The following PRG4 variants were observed in gnomAD, a reference collection of about 807,000 sequenced individuals.
PRG4 encodes the protein proteoglycan 4, also known as articular superficial zone protein.
PRG4 carries 61 observed loss-of-function variants against 91.2 expected under a neutral mutation model. The ratio of observed to expected loss-of-function variants is 0.67; its 90% CI spans 0.54 to 0.83. The LOEUF is 0.83. Among genes scored for constraint, PRG4 ranks in the 40% least tolerant of loss-of-function variants. The pLI is 0.00. For missense variants in PRG4, 1,564 were observed against 1,714.2 expected, an observed-to-expected ratio of 0.91 and a Z score of 1.55; for synonymous variants, 576 against 614.2, an observed-to-expected ratio of 0.94 and a Z score of 0.92.
intron 3 of PRG4, among the ~76,000 whole-genome samples, chr1:186,301,014 A>G (rs1656180639): frequency 6.6e-6 from 1 of 152,160 alleles, no homozygotes; most frequent in Non-Finnish European, 1.5e-5. Flanking sequence ...TCATTTTTTA[A>G]ATGAGTAGTC....
intron 8 of PRG4, 80 bp from the exon 9 acceptor site, chr1:186,310,954 T>G: frequency 6.6e-7 from 1 of 1,520,136 alleles, no homozygotes; most frequent in Non-Finnish European, 9.1e-7. Context: ...ATAAGAAAAC[T>G]ACATTTTTTT....
chr1:186,310,971 T>A (rs1230262209), intron 8 of PRG4, 63 bp from the exon 9 acceptor site: 5 of 1,577,494 alleles, frequency 3.2e-6, no homozygotes. Context: ...TTTTTCATTT[T>A]GGTTTCTTTT....
At position 186,306,412 on chromosome 1, in the gene PRG4, C is replaced by T; in HGVS notation, c.693C>T (p.Phe231=). 1 of 1,613,422 alleles carries T rather than the reference C, an allele frequency of 6.2e-7. No individual in the cohort carries two copies. Among genetic ancestry groups the T allele is most frequent in the East Asian group, 2.2e-5 (1 of 44,882 alleles). The part of the protein sequence containing the change: ...EAGSGLDNGD[F]KVTTPDTSTT... ...GAAGTGGATTGGACAATGGTGACTT[C>T]AAGGTCACAACTCCTGACACGTCTA... Residue 231 remains phenylalanine, a synonymous_variant, in exon 7 of 13, where the codon TTC becomes TTT. Coordinates refer to ENST00000445192, the MANE Select transcript of PRG4 (RefSeq NM_005807.6).
chr1:186,311,047 G>A lies in PRG4; in HGVS notation c.3513G>A (p.Trp1171Ter). The A allele has an allele frequency of 6.2e-7, 1 of 1,613,980 alleles. No homozygotes were observed. The change falls in exon 9 of 13, where the codon TGG becomes TGA. Residue 1171 changes from tryptophan to a stop codon, truncating the protein, a stop_gained. Coordinates refer to ENST00000445192, the MANE Select transcript of PRG4 (RefSeq NM_005807.6). LOFTEE classifies it high-confidence loss of function. ...TLVAFRGHYF[W>*]MLSPFSPPSP... ...CTTAAATTTTAGGTCATTATTTCTG[G>A]ATGCTAAGTCCATTCAGTCCACCAT...
chr1:186,302,534 C>T (rs1656292024), intron 4 of PRG4, among the ~76,000 whole-genome samples: 2 of 152,330 alleles, frequency 1.3e-5, no homozygotes, highest in African/African-American at 4.8e-5. Context: ...TCAATCTTAT[C>T]ATTTTATTTA....
In PRG4 at chr1:186,314,507, A is replaced by G. The variant is rs1382143650; in HGVS notation, c.*729A>G. 7 of 655,726 alleles carry G rather than the reference A, an allele frequency of 1.1e-5. No individual in the cohort carries two copies. The allele number at this position is 655,726 out of a possible 1,614,324, so 40.6% of individuals were successfully genotyped here. On this transcript the variant is annotated 3_prime_UTR_variant, in exon 13 of 13. Coordinates refer to ENST00000445192, the MANE Select transcript of PRG4 (RefSeq NM_005807.6). ...GGTAAATATCACCTGCTCAACATGTAATTATTTAATAAAACTTTGGAACAT... is the reference window on the plus strand; with the variant it reads ...GGTAAATATCACCTGCTCAACATGTGATTATTTAATAAAACTTTGGAACAT...
At chr1:186,302,264 C>T (rs1177413057) in intron 4 of PRG4, among the ~76,000 whole-genome samples, 4 of 152,218 alleles carry the variant, frequency 2.6e-5, no homozygotes, top group Admixed American at 2.6e-4. Flanking sequence ...GTCTCCTCAG[C>T]AGTCTCTATT....
chr1:186,312,627 G>T (rs1246385058), intron 11 of PRG4, 142 bp from the exon 12 acceptor site: 1 of 921,162 alleles, frequency 1.1e-6, no homozygotes. Context: ...TTCTTACCAA[G>T]AACATTATAT....
At position 186,306,372 on chromosome 1, in the gene PRG4, T is replaced by C. The variant is rs200705537; in HGVS notation, c.653T>C (p.Val218Ala). The C allele has an allele frequency of 1.2e-5, 20 of 1,612,838 alleles. No individual in the cohort carries two copies. In the East Asian group the frequency reaches 4.0e-4, roughly 32 times the overall value. Residue 218 changes from valine (V) to alanine (A), a missense_variant, in exon 7 of 13, where the codon GTT becomes GCT. Physicochemically the swap from Val to Ala is moderately conservative, Grantham distance 64 (BLOSUM62 0). Coordinates refer to ENST00000445192, the MANE Select transcript of PRG4 (RefSeq NM_005807.6). ...AAGAAACCTACCCCCAAACCACCAG[T>C]TGTAGATGAAGCTGGAAGTGGATTG... ...TKKKPTPKPP[V>A]VDEAGSGLDN...
intron 10 of PRG4, 56 bp from the exon 11 acceptor site, chr1:186,312,114 CCTTTT>C: frequency 6.7e-7 from 1 of 1,486,596 alleles, no homozygotes; most frequent in Non-Finnish European, 9.4e-7. Context: ...TTGTTTTCCA[CCTTTT>C]CTGAGGGTAT....
At chr1:186,299,082 A>C (rs1334442283) in intron 2 of PRG4, among the ~76,000 whole-genome samples, 1 of 152,200 alleles carries the variant, frequency 6.6e-6, no homozygotes, top group Non-Finnish European at 1.5e-5. Context: ...TACACCTGCC[A>C]ATTTCTATTC....
Position 186,309,855 on chromosome 1 carries a change from T to C in PRG4, c.3484T>C (p.Leu1162=). 1.9e-6 allele frequency: 3 copies of C among 1,613,022 alleles called. No individual in the cohort carries two copies. The highest frequency in any genetic ancestry group is 2.5e-6 in the Non-Finnish European group (3 of 1,179,148). ...DGLTTLRNGT[L]VAFRGHYFWM... ...ACTGACTACTTTGCGCAATGGGACA[T>C]TAGTTGCATTCCGAGGTGAGCTATG... The change falls in exon 8 of 13, where the codon TTA becomes CTA. Residue 1162 remains leucine (L), a synonymous_variant. Transcript: ENST00000445192.
rs1373810787 is a variant in PRG4, at chr1:186,301,656, C to T, written c.264C>T (p.Ala88=). The change falls in exon 4 of 13, where the codon GCC becomes GCT. Residue 88 remains alanine, a synonymous_variant. Transcript: ENST00000445192. ...GAGGGAGGGAGTGTGACTGCGACGC[C>T]CAATGTAAGAAGTATGACAAGTGCT... ...FERGRECDCD[A]QCKKYDKCCP... is the part of the protein sequence containing the mutation. 5 of 1,613,584 alleles carry T rather than the reference C, an allele frequency of 3.1e-6. No homozygotes were observed. The highest frequency in any genetic ancestry group is 3.4e-6 in the Non-Finnish European group (4 of 1,179,778).
At position 186,311,424 on chromosome 1, in the gene PRG4, T is replaced by C. The variant is rs918128505; in HGVS notation, c.3637-16T>C. On this transcript the variant is annotated splice_polypyrimidine_tract_variant and intron_variant, in intron 9 of 12. Coordinates refer to ENST00000445192, the MANE Select transcript of PRG4 (RefSeq NM_005807.6). ...TCCCAAAGCTGATAACATAATTTTC[T>C]CTTTTAAATTATCAGGATTCTCAGT... The C allele has an allele frequency of 6.8e-6, 11 of 1,609,592 alleles. No individual in the cohort carries two copies. The highest frequency in any genetic ancestry group is 9.4e-6 in the Non-Finnish European group (11 of 1,176,254).
Position 186,311,566 on chromosome 1 carries a change from T to C in PRG4, c.3763T>C (p.Trp1255Arg). The change falls in exon 10 of 13, where the codon TGG (tryptophan) becomes CGG (arginine). Residue 1255 changes from tryptophan (W) to arginine (R), a missense_variant. Trp to Arg is a moderately radical substitution (Grantham distance 101, BLOSUM62 -3). Transcript: ENST00000445192. ...AALSTAKYKN[W>R]PESVYFFKRG... ...GCTTTCAACAGCTAAATATAAGAACTGGCCTGAATCTGTGTATTTTTTCAA... is the reference window on the plus strand; with the variant it reads ...GCTTTCAACAGCTAAATATAAGAACCGGCCTGAATCTGTGTATTTTTTCAA... 1 of 1,614,088 alleles carries C rather than the reference T, an allele frequency of 6.2e-7. No homozygotes were observed. The highest frequency in any genetic ancestry group is 1.3e-5 in the African/African-American group (1 of 75,048).
At position 186,308,544 on chromosome 1, in the gene PRG4, C is replaced by G. The variant is rs1332938342; in HGVS notation, c.2825C>G (p.Ala942Gly). The G allele has an allele frequency of 6.2e-7, 1 of 1,613,530 alleles. No individual in the cohort carries two copies. Reference sequence around the variant, plus strand: ...GCACCTAAGATGACAAAAGAGACAGCAACTACAACAGAAAAAACTACCGAA... The same window carrying G: ...GCACCTAAGATGACAAAAGAGACAGGAACTACAACAGAAAAAACTACCGAA... The part of the protein sequence containing the change: ...TAAPKMTKET[A>G]TTTEKTTESK... The change falls in exon 7 of 13, where the codon GCA becomes GGA. Residue 942 changes from alanine (A) to glycine (G), a missense_variant. By Grantham distance (60) the Ala-to-Gly change is moderately conservative. Transcript: ENST00000445192.
chr1:186,307,248 C>T lies in PRG4; in HGVS notation c.1529C>T (p.Thr510Ile), dbSNP rs762300366. The T allele has an allele frequency of 1.3e-6, 2 of 1,595,586 alleles. No homozygotes were observed. The highest frequency in any genetic ancestry group is 2.3e-5 in the East Asian group (1 of 43,742). Reference sequence around the variant, plus strand: ...ACTCCCAAGGAGCCTGCACCCACCACCACCAAGGAGCCTTCACCCACCACT... The same window carrying T: ...ACTCCCAAGGAGCCTGCACCCACCATCACCAAGGAGCCTTCACCCACCACT... ...PTTPKEPAPT[T>I]TKEPSPTTPK... The change falls in exon 7 of 13, where the codon ACC (threonine) becomes ATC (isoleucine). Residue 510 changes from threonine to isoleucine, a missense_variant. By Grantham distance (89) the Thr-to-Ile change is moderately conservative. Around this residue, in one of 3 missense-constraint regions of PRG4, gnomAD observed 1,079 missense variants for 1,162.2 expected, o/e 0.93. Coordinates refer to ENST00000445192, the MANE Select transcript of PRG4 (RefSeq NM_005807.6).
chr1:186,314,056 A>G lies in PRG4; in HGVS notation c.*278A>G, dbSNP rs1657481626. The G allele has an allele frequency of 6.3e-7, 1 of 1,595,788 alleles. No individual in the cohort carries two copies. The highest frequency in any genetic ancestry group is 1.1e-5 in the South Asian group (1 of 89,748). On this transcript the variant is annotated 3_prime_UTR_variant, in exon 13 of 13. Transcript: ENST00000445192. Reference sequence around the variant, plus strand: ...AAAAGAAAAAAGAATCAAATTGAATATATCTTTTAAGAATTCAAAACTAGT... The same window carrying G: ...AAAAGAAAAAAGAATCAAATTGAATGTATCTTTTAAGAATTCAAAACTAGT...
rs760087679 is a variant in PRG4, at chr1:186,308,263, G to A, written c.2544G>A (p.Glu848=). 1 of 1,613,762 alleles carries A rather than the reference G, an allele frequency of 6.2e-7. No homozygotes were observed. Among genetic ancestry groups the A allele is most frequent in the Admixed American group, 1.7e-5 (1 of 59,994 alleles). Residue 848 remains glutamate, a synonymous_variant, in exon 7 of 13, where the codon GAG becomes GAA. Transcript: ENST00000445192. ...TPKKPAPTTP[E]TPPPTTSEVS... is the part of the protein sequence containing the mutation. ...AGAAGCCTGCTCCAACTACTCCTGA[G>A]ACACCTCCTCCAACCACTTCAGAGG...
Sources: gnomAD v4.1 joint callset for allele counts (sites outside exome capture counted in the v4.1 genomes callset) on GRCh38, gnomAD v4.1.1 for gene constraint, gnomAD v4.1.1 regional missense constraint, MANE v1.5 for transcripts, NCBI Gene and HGNC (gene_info 2026-07-23, HGNC 2026-07-21) for gene names.